BLNK: variants seen among roughly 807,000 people sequenced by gnomAD.
The protein encoded by BLNK is B-cell linker protein.
Under a neutral mutation model 73.5 loss-of-function variants are expected in BLNK, and 29 were observed. The ratio of observed to expected loss-of-function variants is 0.39; its 90% confidence interval spans 0.29 to 0.54. BLNK has a LOEUF of 0.54. BLNK is among the 20% of genes least tolerant of loss of function. The pLI is 0.61. For missense variants in BLNK, 460 were observed against 562.8 expected (o/e 0.82, Z 1.85); for synonymous variants, 176 against 200.8 (o/e 0.88, Z 1.04).
chr10:96,237,820 CT>C (rs1422886845), intron 3 of BLNK, among the ~76,000 whole-genome samples: 1 of 152,208 alleles, frequency 6.6e-6, no homozygotes, highest in Non-Finnish European at 1.5e-5. Flanking sequence ...GGGTTTTCCT[CT>C]TAGTGGCTGC....
At chr10:96,257,390 G>A (rs11188685) in intron 1 of BLNK, among the ~76,000 whole-genome samples, 5,559 of 152,276 alleles carry the variant, frequency 0.037, 322 homozygotes, top group African/African-American at 0.12. Flanking sequence ...CCAGGCCCAA[G>A]CCTCGAGCTC....
chr10:96,255,370 G>A (rs1283042036), intron 1 of BLNK, among the ~76,000 whole-genome samples: 1 of 152,124 alleles, frequency 6.6e-6, no homozygotes, highest in African/African-American at 2.4e-5. Flanking sequence ...TTTAACAGAT[G>A]ATATTATCTG....
rs1175589772 is a variant in BLNK at position 96,240,610 on chromosome 10, C to T, written c.163+2125G>A. On this transcript the variant is annotated intron_variant, in intron 3 of 16. Coordinates refer to ENST00000224337, the MANE Select transcript of BLNK (RefSeq NM_013314.4). ...TGAACTGTGTGGCCATCAGGATAGA[C>T]ATAGGAAGTCACAAGGAAATTGATT... 8.6e-5 allele frequency among the ~76,000 whole-genome samples: 13 copies of T among 152,030 alleles called. No homozygotes were observed. In the East Asian group the frequency reaches 2.5e-3, roughly 29 times the overall value.
chr10:96,240,434 T>C (rs1266443138), intron 3 of BLNK, among the ~76,000 whole-genome samples: 5 of 152,116 alleles, frequency 3.3e-5, no homozygotes, highest in African/African-American at 1.2e-4. Flanking sequence ...ATTTTTTTCT[T>C]ATATTTTAAG....
intron 16 of BLNK, among the ~76,000 whole-genome samples, chr10:96,193,038 AG>A (rs1237203806): frequency 2.0e-5 from 3 of 152,218 alleles, no homozygotes; most frequent in African/African-American, 7.2e-5. Context: ...TATTGAATAA[AG>A]TAAAATATTC....
chr10:96,254,635 C>G (rs925617733), intron 1 of BLNK, among the ~76,000 whole-genome samples: 5 of 152,136 alleles, frequency 3.3e-5, no homozygotes, highest in African/African-American at 1.2e-4. Context: ...CTCAGCCTCC[C>G]GAGTAGCTGG....
chr10:96,214,150 G>T (rs1259847267), intron 8 of BLNK, among the ~76,000 whole-genome samples: 1 of 152,232 alleles, frequency 6.6e-6, no homozygotes, highest in African/African-American at 2.4e-5. Flanking sequence ...GTGTGTGTGT[G>T]TGTGCACACG....
At chr10:96,215,686 A>C (rs1272168064) in intron 7 of BLNK, among the ~76,000 whole-genome samples, 4 of 152,158 alleles carry the variant, frequency 2.6e-5, no homozygotes, top group African/African-American at 9.7e-5. Flanking sequence ...TCATTTGCCA[A>C]GTGGGAGGTC....
At chr10:96,221,445 C>T (rs2084195162) in intron 6 of BLNK, among the ~76,000 whole-genome samples, 1 of 152,186 alleles carries the variant, frequency 6.6e-6, no homozygotes, top group Non-Finnish European at 1.5e-5. Context: ...TTAATGTTGG[C>T]TTCTGTTTGT....
chr10:96,199,254 G>A (rs2083561196), intron 15 of BLNK, among the ~76,000 whole-genome samples: 4 of 152,170 alleles, frequency 2.6e-5, no homozygotes. Flanking sequence ...GGGAGGAGAA[G>A]AGAGAAAGAA....
intron 15 of BLNK, among the ~76,000 whole-genome samples, chr10:96,197,642 G>A (rs1450094001): frequency 6.6e-6 from 1 of 152,098 alleles, no homozygotes; most frequent in African/African-American, 2.4e-5. Flanking sequence ...AGTACTATAA[G>A]AAGAAAACAG....
intron 5 of BLNK, among the ~76,000 whole-genome samples, chr10:96,226,418 T>C (rs1295464062): frequency 6.6e-6 from 1 of 152,066 alleles, no homozygotes; most frequent in Non-Finnish European, 1.5e-5. Flanking sequence ...TTAATGGCAG[T>C]GAGATATTAC....
At chr10:96,239,131 T>C (rs764586422) in intron 3 of BLNK, 134 of 398,498 alleles carry the variant, frequency 3.4e-4, no homozygotes, top group Non-Finnish European at 5.4e-4. Context: ...ACATCAAGAC[T>C]ATTTGGAAGG....
rs1478543840 is a variant in BLNK, at chr10:96,271,445, G to A, written c.-47C>T. 45 of 1,594,710 alleles carry A rather than the reference G, an allele frequency of 2.8e-5. No individual in the cohort carries two copies. Among genetic ancestry groups the A allele is most frequent in the Non-Finnish European group, 3.8e-5 (44 of 1,162,480 alleles). On this transcript the variant is annotated 5_prime_UTR_variant, in exon 1 of 17. In the 5' UTR this introduces an upstream ATG that the reference lacks. Transcript: ENST00000224337. Reference sequence around the variant, plus strand: ...ACACGAATAACTGTCCAGTGGTCACGTCAGCAGTTCCTGGCCCTCCTAGGG... The same window carrying A: ...ACACGAATAACTGTCCAGTGGTCACATCAGCAGTTCCTGGCCCTCCTAGGG...
rs782331274 is a variant in BLNK at position 96,227,429 on chromosome 10, G to T, written c.342C>A (p.Phe114Leu). 4 of 1,613,980 alleles carry T rather than the reference G, an allele frequency of 2.5e-6. No homozygotes were observed. The highest frequency in any genetic ancestry group is 1.3e-5 in the African/African-American group (1 of 74,948). ...ETRPVHPALP[F>L]ARGEYIDNRS... is the part of the protein sequence containing the mutation. ...CCTCACCTATATACTCGCCTCTGGC[G>T]AAGGGCAGGGCTGGGTGAACCGGCC... The change falls in exon 5 of 17, where the codon TTC (phenylalanine) becomes TTA (leucine). Residue 114 changes from phenylalanine (F) to leucine (L), a missense_variant. Phe to Leu is a conservative substitution (Grantham distance 22, BLOSUM62 0). Around this residue, in one of 3 missense-constraint regions of BLNK, gnomAD observed 139 missense variants for 187.3 expected, o/e 0.74. Coordinates refer to ENST00000224337, the MANE Select transcript of BLNK (RefSeq NM_013314.4).
intron 11 of BLNK, among the ~76,000 whole-genome samples, chr10:96,206,698 ATTAG>A (rs1400529467): frequency 2.0e-5 from 3 of 152,242 alleles, no homozygotes; most frequent in Non-Finnish European, 4.4e-5. Context: ...TAAGTAAGCT[ATTAG>A]TTCTAAAACA....
intron 3 of BLNK, among the ~76,000 whole-genome samples, chr10:96,237,360 TC>T (rs1212405688): frequency 6.9e-6 from 1 of 145,888 alleles, no homozygotes; most frequent in Non-Finnish European, 1.5e-5. Context: ...TTTATTTTTT[TC>T]CATGTAAGTG....
At chr10:96,248,764 A>G (rs375547480) in intron 1 of BLNK, among the ~76,000 whole-genome samples, 23 of 152,246 alleles carry the variant, frequency 1.5e-4, no homozygotes, top group Admixed American at 8.5e-4. Flanking sequence ...TAAATAAATT[A>G]TGATAGATCC....
chr10:96,224,055 A>G, intron 5 of BLNK, 66 bp from the exon 6 acceptor site: 2 of 1,585,066 alleles, frequency 1.3e-6, no homozygotes, highest in South Asian at 1.1e-5. Context: ...GGTGGAAGCC[A>G]TTGAGATCCA....
Sources: gnomAD v4.1 joint callset for allele counts (sites outside exome capture counted in the v4.1 genomes callset) on GRCh38, gnomAD v4.1.1 for gene constraint, gnomAD v4.1.1 regional missense constraint, MANE v1.5 for transcripts, NCBI Gene and HGNC (gene_info 2026-07-23, HGNC 2026-07-21) for gene names.